KIFC2: variants seen among roughly 807,000 people sequenced by gnomAD.
KIFC2 encodes the protein kinesin-like protein KIFC2.
In KIFC2, 94 loss-of-function variants were observed where a neutral mutation model predicts 91.5. The observed-to-expected ratio is 1.03, with a 90% CI of 0.87 to 1.22. The LOEUF (loss-of-function observed/expected upper bound fraction) is 1.22, where lower values mean the gene tolerates loss of function less well. KIFC2 is among the 50% of genes most tolerant of loss of function. The pLI is 0.00. For missense variants in KIFC2, 1,357 were observed against 1,103.3 expected, an observed-to-expected ratio of 1.23 and a Z score of -3.26; for synonymous variants, 729 against 503.9, an observed-to-expected ratio of 1.45 and a Z score of -5.98.
In KIFC2 at chr8:144,472,495, ACCGCTCTCCGAGACCCCGCC is replaced by A; in HGVS notation, c.1731+15_1731+34del. 1 of 1,611,396 alleles carries A rather than the reference ACCGCTCTCCGAGACCCCGCC, an allele frequency of 6.2e-7. No individual in the cohort carries two copies. Among genetic ancestry groups the A allele is most frequent in the Non-Finnish European group, 8.5e-7 (1 of 1,179,206 alleles). On this transcript the variant is annotated intron_variant, in intron 15 of 17. Coordinates refer to ENST00000645548, the MANE Select transcript of KIFC2 (RefSeq NM_001369769.2). ...GAGACATTGCACCAGGTAGGGCTGCACCGCTCTCCGAGACCCCGCCCCGTGCTTCCACTTGGGGGCGGGGA... is the reference window on the plus strand; with the variant it reads ...GAGACATTGCACCAGGTAGGGCTGCACCGTGCTTCCACTTGGGGGCGGGGA...
At position 144,467,337 on chromosome 8, in the gene KIFC2, A is replaced by G. The variant is rs201154143; in HGVS notation, c.465A>G (p.Pro155=). ...CCCCTCGGGTCCGGCCCCCCTCTCC[A>G]GATGGTGAGTAAAGGACAGTAAGTT... The part of the protein sequence containing the change: ...QPAPRVRPPS[P]DGSTSQEESP... Residue 155 remains proline (P), a synonymous_variant, in exon 4 of 18, where the codon CCA becomes CCG. Coordinates refer to ENST00000645548, the MANE Select transcript of KIFC2 (RefSeq NM_001369769.2). The G allele has an allele frequency of 1.4e-4, 231 of 1,605,088 alleles. No individual in the cohort carries two copies. Among genetic ancestry groups the G allele is most frequent in the Non-Finnish European group, 1.9e-4 (226 of 1,176,324 alleles).
chr8:144,469,456 G>A, intron 11 of KIFC2, 34 bp from the exon 12 acceptor site: 1 of 1,613,698 alleles, frequency 6.2e-7, no homozygotes, highest in South Asian at 1.1e-5. Flanking sequence ...TTTAGGGTCT[G>A]CGAGGCATTA....
chr8:144,466,632 G>A, intron 1 of KIFC2, 114 bp downstream of exon 1: 1 of 916,558 alleles, frequency 1.1e-6, no homozygotes, highest in Non-Finnish European at 1.5e-6. Context: ...CCGTGCCGAG[G>A]ACCCTCGGCT....
intron 17 of KIFC2, 39 bp downstream of exon 17, chr8:144,473,090 G>A (rs1299738867): frequency 2.6e-6 from 4 of 1,531,930 alleles, no homozygotes; most frequent in African/African-American, 2.8e-5. Context: ...CGTGCCGGTC[G>A]CCGCCCACCC....
At chr8:144,472,332 G>C in intron 14 of KIFC2, 29 bp from the exon 15 acceptor site, 1 of 1,613,496 alleles carries the variant, frequency 6.2e-7, no homozygotes, top group Admixed American at 1.7e-5. Flanking sequence ...AGAGAATTCT[G>C]GAACCAAGAC....
Position 144,466,940 on chromosome 8 carries a change from C to T in KIFC2, c.179-19C>T, listed in dbSNP as rs1404669922. 37 of 1,585,412 alleles carry T rather than the reference C, an allele frequency of 2.3e-5. No homozygotes were observed. The highest frequency in any genetic ancestry group is 1.1e-4 in the African/African-American group (8 of 74,516). The stretch of plus-strand genomic sequence containing the variant: ...GCACGTGACCCGAAATGTCTCCCGC[C>T]CTCCTCCCTGACCGGCAGCCAGCTC... On this transcript the variant is annotated intron_variant, in intron 2 of 17. Transcript: ENST00000645548.
chr8:144,472,053 C>T lies in KIFC2; in HGVS notation c.1485+7C>T. The T allele has an allele frequency of 1.9e-6, 3 of 1,613,476 alleles. No homozygotes were observed. Among genetic ancestry groups the T allele is most frequent in the Non-Finnish European group, 1.7e-6 (2 of 1,179,984 alleles). ...GAAGACCTACAGCATGGAGGTGGGA[C>T]AGAGCTCACGCCCCAGTGGGAGAGG... On this transcript the variant is annotated splice_region_variant and intron_variant, in intron 13 of 17. Transcript: ENST00000645548.
At chr8:144,466,549 C>G (rs1438073897) in intron 1 of KIFC2, 31 bp downstream of exon 1, 3 of 1,105,602 alleles carry the variant, frequency 2.7e-6, no homozygotes, top group Non-Finnish European at 2.3e-6. Context: ...AGCCCGTCGT[C>G]TCCCGCCGCC....
At position 144,466,939 on chromosome 8, in the gene KIFC2, C is replaced by T. The variant is rs564387868; in HGVS notation, c.179-20C>T. On this transcript the variant is annotated intron_variant, in intron 2 of 17. Transcript: ENST00000645548. ...AGCACGTGACCCGAAATGTCTCCCG[C>T]CCTCCTCCCTGACCGGCAGCCAGCT... The T allele has an allele frequency of 1.5e-5, 24 of 1,584,554 alleles. No homozygotes were observed. Among genetic ancestry groups the T allele is most frequent in the Admixed American group, 6.8e-5 (4 of 58,470 alleles).
intron 12 of KIFC2, among the ~76,000 whole-genome samples, chr8:144,471,465 C>T (rs1428965078): frequency 2.0e-5 from 3 of 152,070 alleles, no homozygotes; most frequent in African/African-American, 7.2e-5. Context: ...TGTGCAACAC[C>T]ATGCCTGGCT....
rs752298180 is a variant in KIFC2 at position 144,473,464 on chromosome 8, C to G, written c.*75C>G. On this transcript the variant is annotated 3_prime_UTR_variant, in exon 18 of 18. Transcript: ENST00000645548. ...CAGAGGCGGTAGTAAAGTCCCTGTA[C>G]CCCGTCTCCCAGGGCACAAGCTCCC... 6.8e-7 allele frequency: 1 copy of G among 1,472,006 alleles called. No individual in the cohort carries two copies. Among genetic ancestry groups the G allele is most frequent in the East Asian group, 2.5e-5 (1 of 39,968 alleles). The allele number at this position is 1,472,006 out of a possible 1,614,324, so 91.2% of individuals were successfully genotyped here.
Position 144,467,761 on chromosome 8 carries a change from T to G in KIFC2, c.663T>G (p.Gly221=). ...QQLEQQEEEL[G]RLRLGVGATD... The stretch of plus-strand genomic sequence containing the variant: ...TGGAACAGCAGGAGGAGGAGTTGGG[T>G]CGACTGCGCCTGGGCGTGGTGAGGC... The change falls in exon 6 of 18, where the codon GGT becomes GGG. Residue 221 remains glycine, a synonymous_variant. Transcript: ENST00000645548. 1 of 1,613,634 alleles carries G rather than the reference T, an allele frequency of 6.2e-7. No homozygotes were observed. The highest frequency in any genetic ancestry group is 8.5e-7 in the Non-Finnish European group (1 of 1,179,946).
chr8:144,467,982 C>G lies in KIFC2; in HGVS notation c.805C>G (p.Pro269Ala). The stretch of plus-strand genomic sequence containing the variant: ...GGGCCCCGGGCCCCCCATCAGGGCT[C>G]CGCAGGTACTCTGCTCCCGAGCTGC... ...HWGPGPPIRAPQEEAEALLEL... is the reference protein window; with the variant it reads ...HWGPGPPIRAAQEEAEALLEL... The change falls in exon 7 of 18, where the codon CCG becomes GCG. Residue 269 changes from proline to alanine, a missense_variant. By Grantham distance (27) the Pro-to-Ala change is conservative. Transcript: ENST00000645548. 1 of 1,557,716 alleles carries G rather than the reference C, an allele frequency of 6.4e-7. No homozygotes were observed. The highest frequency in any genetic ancestry group is 1.2e-5 in the South Asian group (1 of 83,798).
chr8:144,469,327 G>C lies in KIFC2; in HGVS notation c.1170G>C (p.Glu390Asp), dbSNP rs925860073. ...GAGGGCCTGGCACTCAGCTCCCTGA[G>C]GGGCAGCAAGGGCCCCCAGCCGGAT... ...SSGGPGTQLP[E>D]GQQGPPAGCP... Residue 390 changes from glutamate to aspartate, a missense_variant, in exon 11 of 18, where the codon GAG becomes GAC. By Grantham distance (45) the Glu-to-Asp change is conservative. Coordinates refer to ENST00000645548, the MANE Select transcript of KIFC2 (RefSeq NM_001369769.2). The C allele has an allele frequency of 1.2e-6, 2 of 1,607,446 alleles. No homozygotes were observed. The highest frequency in any genetic ancestry group is 2.7e-5 in the African/African-American group (2 of 74,714).
At position 144,466,412 on chromosome 8, in the gene KIFC2, G is replaced by A; in HGVS notation, c.-8G>A. 7.8e-7 allele frequency: 1 copy of A among 1,274,052 alleles called. No individual in the cohort carries two copies. The highest frequency in any genetic ancestry group is 1.0e-6 in the Non-Finnish European group (1 of 986,546). 78.9% of individuals were successfully genotyped at this position (1,274,052 alleles called of 1,614,324 possible). On this transcript the variant is annotated 5_prime_UTR_variant, in exon 1 of 18. Transcript: ENST00000645548. ...GCGAAGCGGGGCCCTCTGCCGCCCC[G>A]CGCTCCCATGTACGCCTTTTACTCG...
rs940469313 is a variant in KIFC2 at position 144,469,389 on chromosome 8, G to T, written c.1222+10G>T. On this transcript the variant is annotated intron_variant, in intron 11 of 17. Transcript: ENST00000645548. The stretch of plus-strand genomic sequence containing the variant: ...CTGCCAGAACTCAAGGGTATGACAG[G>T]CTTGGGAGCCTAGCGGGGCAGGGAG... 6 of 1,611,820 alleles carry T rather than the reference G, an allele frequency of 3.7e-6. No individual in the cohort carries two copies. The highest frequency in any genetic ancestry group is 4.2e-6 in the Non-Finnish European group (5 of 1,179,396).
chr8:144,468,576 C>A lies in KIFC2; in HGVS notation c.929C>A (p.Ala310Asp), dbSNP rs769656861. 15 of 1,607,218 alleles carry A rather than the reference C, an allele frequency of 9.3e-6. No individual in the cohort carries two copies. The highest frequency in any genetic ancestry group is 1.0e-5 in the Non-Finnish European group (12 of 1,177,058). Residue 310 changes from alanine (A) to aspartate (D), a missense_variant, in exon 9 of 18, where the codon GCC (alanine) becomes GAC (aspartate). Coordinates refer to ENST00000645548, the MANE Select transcript of KIFC2 (RefSeq NM_001369769.2). ...QEVQLQGLQG[A>D]LQQLQQETEQ... Reference sequence around the variant, plus strand: ...GTGCAGCTGCAGGGCCTTCAAGGGGCCCTCCAGCAGCTCCAGCAGGAGACG... The same window carrying A: ...GTGCAGCTGCAGGGCCTTCAAGGGGACCTCCAGCAGCTCCAGCAGGAGACG...
At chr8:144,472,523 T>A in intron 15 of KIFC2, 39 bp downstream of exon 15, 1 of 1,611,522 alleles carries the variant, frequency 6.2e-7, no homozygotes, top group Non-Finnish European at 8.5e-7. Context: ...GCCCCGTGCT[T>A]CCACTTGGGG....
intron 1 of KIFC2, 58 bp downstream of exon 1, chr8:144,466,576 C>T (rs1184273825): frequency 1.0e-6 from 1 of 994,630 alleles, no homozygotes; most frequent in East Asian, 3.4e-5. Flanking sequence ...ACCCCCACGC[C>T]GAGGTTCCCG....
Sources: allele counts gnomAD v4.1 joint callset (sites outside exome capture counted in the v4.1 genomes callset), GRCh38; gene constraint gnomAD v4.1.1; transcripts MANE v1.5; gene names NCBI Gene and HGNC (gene_info 2026-07-23, HGNC 2026-07-21).